CLIP4: variants seen among roughly 807,000 people sequenced by gnomAD.
CLIP4 encodes CAP-Gly domain-containing linker protein 4.
CLIP4 carries 47 observed loss-of-function variants against 73.1 expected under a neutral mutation model. That is an observed-to-expected ratio of 0.64 (90% CI 0.51 to 0.82). The LOEUF (loss-of-function observed/expected upper bound fraction) is 0.82, where lower values mean the gene tolerates loss of function less well. Ranked by LOEUF, CLIP4 falls within the 40% of genes least tolerant of loss-of-function variation. The pLI, the probability that CLIP4 is intolerant of heterozygous loss-of-function variation, is 0.00. For synonymous variants in CLIP4, 306 were observed against 295.4 expected, an observed-to-expected ratio of 1.04 and a Z score of -0.37; for missense variants, 874 against 852.9, an observed-to-expected ratio of 1.02 and a Z score of -0.31.
chr2:29,163,989 C>T (rs1193749946), intron 13 of CLIP4, 35 bp downstream of exon 13: 6 of 1,585,956 alleles, frequency 3.8e-6, no homozygotes, highest in Non-Finnish European at 5.2e-6. Flanking sequence ...TTTACAGAAA[C>T]TTTTTGTAAT....
At chr2:29,157,088 G>A in intron 10 of CLIP4, 116 bp from the exon 11 acceptor site, 1 of 847,112 alleles carries the variant, frequency 1.2e-6, no homozygotes, top group Non-Finnish European at 2.0e-6. Flanking sequence ...TTTGACACTA[G>A]ATAATCCATA....
intron 15 of CLIP4, 37 bp downstream of exon 15, chr2:29,174,482 G>T (rs1311755584): frequency 6.3e-7 from 1 of 1,595,200 alleles, no homozygotes; most frequent in Non-Finnish European, 8.5e-7. Flanking sequence ...CACCTTTCAA[G>T]ATGAACATGA....
At chr2:29,174,686 A>G (rs1214350128) in intron 15 of CLIP4, 1 of 1,151,402 alleles carries the variant, frequency 8.7e-7, no homozygotes, top group East Asian at 4.5e-5. Flanking sequence ...TAGAGGTCAG[A>G]ACTGTTAATA....
chr2:29,122,846 A>AAAAAAAAAAAAAC (rs1664356214), intron 2 of CLIP4, among the ~76,000 whole-genome samples: 1 of 151,538 alleles, frequency 6.6e-6, no homozygotes, highest in East Asian at 1.9e-4. Flanking sequence ...AAAAAAAAAA[A>AAAAAAAAAAAAAC]AAAAGCATTG....
At chr2:29,153,080 G>A (rs3100240) in intron 9 of CLIP4, among the ~76,000 whole-genome samples, 65,507 of 151,666 alleles carry the variant, frequency 0.43, 15,524 homozygotes, top group Non-Finnish European at 0.55. Context: ...CTATCCTCAA[G>A]GCTAGATTTC....
intron 8 of CLIP4, among the ~76,000 whole-genome samples, chr2:29,147,586 A>T (rs1230005511): frequency 6.6e-6 from 1 of 152,090 alleles, no homozygotes; most frequent in Non-Finnish European, 1.5e-5. Flanking sequence ...ATTTGTATTT[A>T]TACAAATAAT....
intron 15 of CLIP4, among the ~76,000 whole-genome samples, chr2:29,179,088 C>T (rs1381488207): frequency 2.0e-5 from 3 of 152,224 alleles, no homozygotes; most frequent in Admixed American, 6.5e-5. Flanking sequence ...AGCCACTGCG[C>T]CCAGCCTCTT....
intron 5 of CLIP4, among the ~76,000 whole-genome samples, chr2:29,135,012 T>C (rs2147961995): frequency 6.6e-6 from 1 of 152,324 alleles, no homozygotes; most frequent in Middle Eastern, 3.4e-3. Flanking sequence ...TTAGACTTTT[T>C]GGACCATATG....
At chr2:29,146,904 G>A (rs570973017) in intron 8 of CLIP4, among the ~76,000 whole-genome samples, 25 of 152,314 alleles carry the variant, frequency 1.6e-4, no homozygotes, top group African/African-American at 6.0e-4. Flanking sequence ...GATGAGAGCT[G>A]TTGGCTATCA....
At chr2:29,103,390 T>C (rs891754782) in intron 1 of CLIP4, among the ~76,000 whole-genome samples, 1 of 151,832 alleles carries the variant, frequency 6.6e-6, no homozygotes, top group Non-Finnish European at 1.5e-5. Context: ...CCCAATTTAG[T>C]CTTTAATTCA....
chr2:29,152,749 T>C lies in CLIP4; in HGVS notation c.1086T>C (p.Thr362=). The change falls in exon 9 of 16, where the codon ACT becomes ACC. Residue 362 remains threonine, a synonymous_variant. Transcript: ENST00000320081. The stretch of plus-strand genomic sequence containing the variant: ...GTCGAAGGAAGAATATAACACACAC[T>C]CCTTCTACAAAAGCTGCTGTACCTC... ...AKGRRKNITH[T]PSTKAAVPLI... 1 of 1,613,808 alleles carries C rather than the reference T, an allele frequency of 6.2e-7. No homozygotes were observed. Among genetic ancestry groups the C allele is most frequent in the South Asian group, 1.1e-5 (1 of 91,066 alleles).
intron 2 of CLIP4, among the ~76,000 whole-genome samples, chr2:29,122,862 T>G (rs1461214168): frequency 1.3e-5 from 2 of 150,946 alleles, no homozygotes; most frequent in African/African-American, 2.4e-5. Flanking sequence ...CATTGTAGTC[T>G]TAGAATTATA....
chr2:29,135,172 G>A (rs1361330824), intron 5 of CLIP4, among the ~76,000 whole-genome samples: 1 of 152,162 alleles, frequency 6.6e-6, no homozygotes, highest in East Asian at 1.9e-4. Context: ...GCTGACCCCT[G>A]AGCTAAACTC....
intron 2 of CLIP4, among the ~76,000 whole-genome samples, chr2:29,124,981 C>T (rs969844937): frequency 1.3e-5 from 2 of 152,132 alleles, no homozygotes; most frequent in Non-Finnish European, 2.9e-5. Context: ...TGAATTTTAC[C>T]TTGTTAGATG....
At position 29,143,822 on chromosome 2, in the gene CLIP4, G is replaced by C. The variant is rs146399446; in HGVS notation, c.762G>C (p.Ala254=). Residue 254 remains alanine, a synonymous_variant, in exon 7 of 16, where the codon GCG becomes GCC. Transcript: ENST00000320081. ...AKEIKQMLLD[A]VPLSCNISKA... ...AAATCAAGCAGATGCTTCTAGATGC[G>C]GTGCCTCTGTCATGTAACATCTCAA... 5.0e-6 allele frequency: 8 copies of C among 1,614,022 alleles called. No homozygotes were observed. The highest frequency in any genetic ancestry group is 3.3e-4 in the Middle Eastern group (2 of 6,062).
chr2:29,132,018 T>C (rs560056289), intron 3 of CLIP4, 134 bp from the exon 4 acceptor site: 3 of 608,620 alleles, frequency 4.9e-6, no homozygotes, highest in Middle Eastern at 4.2e-4. Flanking sequence ...CCTTAAGATA[T>C]GCTCATACTG....
Position 29,143,702 on chromosome 2 carries a change from T to C in CLIP4, c.649-7T>C. On this transcript the variant is annotated splice_polypyrimidine_tract_variant and splice_region_variant and intron_variant, in intron 6 of 15. Coordinates refer to ENST00000320081, the MANE Select transcript of CLIP4 (RefSeq NM_024692.6). ...GTTGAACATTTTTCTCTTATCTTTA[T>C]TTGTAGAATGACAAAGGACAGATCC... 1.3e-6 allele frequency: 2 copies of C among 1,584,046 alleles called. No homozygotes were observed. The highest frequency in any genetic ancestry group is 1.7e-6 in the Non-Finnish European group (2 of 1,153,254).
At chr2:29,105,002 C>T (rs1453576084) in intron 1 of CLIP4, among the ~76,000 whole-genome samples, 1 of 152,084 alleles carries the variant, frequency 6.6e-6, no homozygotes, top group Admixed American at 6.5e-5. Context: ...TGGGACTCTG[C>T]TTTTGTCCAA....
At position 29,115,700 on chromosome 2, in the gene CLIP4, C is replaced by T. The variant is rs1192353390; in HGVS notation, c.-16+35C>T. ...GGGCGCGCGGGGCCCCCCCGGGCCG[C>T]GGGCTGGCCGGCGGCGGGGTTGGGG... On this transcript the variant is annotated intron_variant, in intron 1 of 15. Coordinates refer to ENST00000320081, the MANE Select transcript of CLIP4 (RefSeq NM_024692.6). The surrounding 1 kb of genome is among the most constrained non-coding windows in gnomAD (Gnocchi z 5.1). 6.8e-6 allele frequency: 1 copy of T among 147,612 alleles called. No homozygotes were observed. The highest frequency in any genetic ancestry group is 2.0e-4 in the East Asian group (1 of 5,058). 9.1% of individuals were successfully genotyped at this position (147,612 alleles called of 1,614,324 possible).
Sources: gnomAD v4.1 joint callset for allele counts (sites outside exome capture counted in the v4.1 genomes callset) on GRCh38, gnomAD v4.1.1 for gene constraint, Gnocchi (gnomAD v3.1) non-coding constraint, MANE v1.5 for transcripts, NCBI Gene and HGNC (gene_info 2026-07-23, HGNC 2026-07-21) for gene names.